TENM2: variants seen among roughly 807,000 people sequenced by gnomAD.
TENM2 encodes teneurin-2.
TENM2 carries 52 observed loss-of-function variants against 245.2 expected under a neutral mutation model. That is an observed-to-expected ratio of 0.21 (90% CI 0.17 to 0.27). TENM2 has a LOEUF of 0.27. Among genes scored for constraint, TENM2 ranks in the 10% least tolerant of loss-of-function variants. The pLI is 1.00. For missense variants in TENM2, 3,046 were observed against 3,666.8 expected (o/e 0.83, Z 4.37); for synonymous variants, 1,363 against 1,438.9 (o/e 0.95, Z 1.19).
the TENM2 span, among the ~76,000 whole-genome samples, chr5:167,093,222 A>C: frequency 9.2e-5 from 14 of 152,350 alleles, no homozygotes; most frequent in East Asian, 2.7e-3. Context: ...GTGTTGGGAA[A>C]TATCACTGCT....
At chr5:167,269,479 G>T in the TENM2 span, among the ~76,000 whole-genome samples, 1 of 151,862 alleles carries the variant, frequency 6.6e-6, no homozygotes, top group East Asian at 1.9e-4. Flanking sequence ...ATTGAAGCAA[G>T]ACTTTAATGA....
intron 2 of TENM2, among the ~76,000 whole-genome samples, chr5:167,683,361 C>G (rs1294855175): frequency 6.6e-6 from 1 of 151,914 alleles, no homozygotes; most frequent in Non-Finnish European, 1.5e-5. Flanking sequence ...AAAGATGGCT[C>G]CTATGATGTC....
chr5:167,997,139 A>T (rs1027832884), intron 5 of TENM2, among the ~76,000 whole-genome samples: 2 of 152,188 alleles, frequency 1.3e-5, no homozygotes, highest in Non-Finnish European at 2.9e-5. Flanking sequence ...CAATCATTTG[A>T]CAAGCACTGA....
At position 167,792,772 on chromosome 5, in the gene TENM2, G is replaced by A. The variant is rs116270953; in HGVS notation, c.503-83214G>A. The stretch of plus-strand genomic sequence containing the variant: ...AGGTGACTCATTTTTACCCCAGGAG[G>A]TACTGTTCTGTTAACAGGCATTTAC... On this transcript the variant is annotated intron_variant, in intron 2 of 28. Transcript: ENST00000518659. 6.6e-3 allele frequency among the ~76,000 whole-genome samples: 1,009 copies of A among 151,748 alleles called. 10 individuals carry two copies. The highest frequency in any genetic ancestry group is 0.023 in the African/African-American group (947 of 41,378).
chr5:167,340,044 A>G (rs1758004016), intron 1 of TENM2, among the ~76,000 whole-genome samples: 1 of 152,194 alleles, frequency 6.6e-6, no homozygotes, highest in African/African-American at 2.4e-5. Flanking sequence ...CTTTGCCTAA[A>G]AATTTTCTCA....
At chr5:167,247,516 GA>G in the TENM2 span, among the ~76,000 whole-genome samples, 3 of 150,584 alleles carry the variant, frequency 2.0e-5, no homozygotes, top group East Asian at 3.9e-4. Flanking sequence ...TGTGTTGGAG[GA>G]AAAAAAAATA....
the TENM2 span, among the ~76,000 whole-genome samples, chr5:167,167,401 C>G: frequency 6.6e-6 from 1 of 152,160 alleles, no homozygotes; most frequent in Non-Finnish European, 1.5e-5. Context: ...TCAAACACGT[C>G]GCAGCATCAA....
At chr5:167,033,663 T>C in the TENM2 span, among the ~76,000 whole-genome samples, 1 of 152,222 alleles carries the variant, frequency 6.6e-6, no homozygotes, top group African/African-American at 2.4e-5. Flanking sequence ...TATGAAAATA[T>C]ATTACAGAAT....
At chr5:167,420,898 T>C (rs2127422999) in intron 2 of TENM2, among the ~76,000 whole-genome samples, 1 of 152,290 alleles carries the variant, frequency 6.6e-6, no homozygotes, top group East Asian at 1.9e-4. Context: ...AAAATATTTG[T>C]TGCATAAAGA....
At chr5:167,591,859 C>A (rs1775899884) in intron 2 of TENM2, among the ~76,000 whole-genome samples, 2 of 152,132 alleles carry the variant, frequency 1.3e-5, no homozygotes, top group African/African-American at 4.8e-5. Context: ...TGCTCTGATC[C>A]ATCTAAACAA....
At chr5:168,158,850 T>TACACAC (rs764713880) in intron 12 of TENM2, among the ~76,000 whole-genome samples, 147 of 62,166 alleles carry the variant, frequency 2.4e-3, no homozygotes, top group Middle Eastern at 9.3e-3. Flanking sequence ...TATATATATA[T>TACACAC]ACACACACAC....
At chr5:167,996,452 G>A (rs1157744642) in intron 5 of TENM2, among the ~76,000 whole-genome samples, 2 of 152,120 alleles carry the variant, frequency 1.3e-5, no homozygotes, top group African/African-American at 4.8e-5. Context: ...CAATTCCTAG[G>A]GAATACTGGT....
intron 7 of TENM2, among the ~76,000 whole-genome samples, chr5:168,076,123 G>A (rs1054794211): frequency 2.9e-4 from 44 of 152,196 alleles, no homozygotes; most frequent in African/African-American, 9.6e-4. Context: ...TCCACAATGC[G>A]TGTGACCATT....
intron 2 of TENM2, among the ~76,000 whole-genome samples, chr5:167,615,534 G>A (rs1036148526): frequency 1.3e-5 from 2 of 152,060 alleles, no homozygotes; most frequent in Non-Finnish European, 2.9e-5. Context: ...GATATCTTTA[G>A]TTGTGTTGTA....
chr5:167,861,344 AC>A (rs1213776836), intron 2 of TENM2, among the ~76,000 whole-genome samples: 3 of 152,138 alleles, frequency 2.0e-5, no homozygotes, highest in Admixed American at 1.3e-4. Flanking sequence ...GGGCGTGGAG[AC>A]CAGGGAAAAA....
chr5:167,714,151 C>T (rs1432512155), intron 2 of TENM2, among the ~76,000 whole-genome samples: 1 of 152,160 alleles, frequency 6.6e-6, no homozygotes, highest in Non-Finnish European at 1.5e-5. Flanking sequence ...TCTTTATAGC[C>T]AGGAGTGTGA....
At chr5:167,824,333 TG>T (rs1389178125) in intron 2 of TENM2, among the ~76,000 whole-genome samples, 1 of 152,150 alleles carries the variant, frequency 6.6e-6, no homozygotes, top group African/African-American at 2.4e-5. Flanking sequence ...TGAACAAAAA[TG>T]GAACAAAGCA....
upstream of TENM2, among the ~76,000 whole-genome samples, chr5:167,280,678 T>A (rs1374715362): frequency 6.6e-6 from 1 of 152,148 alleles, no homozygotes; most frequent in East Asian, 1.9e-4. Flanking sequence ...TCACTTTTGT[T>A]GTCTGTGCCC....
chr5:167,816,169 T>G (rs1018658999), intron 2 of TENM2, among the ~76,000 whole-genome samples: 4 of 151,964 alleles, frequency 2.6e-5, no homozygotes, highest in African/African-American at 7.3e-5. Context: ...TCCCAAGAAG[T>G]ATGCAGAAGA....
Sources: gnomAD v4.1 joint callset for allele counts (sites outside exome capture counted in the v4.1 genomes callset) on GRCh38, gnomAD v4.1.1 for gene constraint, MANE v1.5 for transcripts, NCBI Gene and HGNC (gene_info 2026-07-23, HGNC 2026-07-21) for gene names.